The following TRHDE variants were observed in gnomAD, a reference collection of about 807,000 sequenced individuals.
The protein encoded by TRHDE is thyrotropin-releasing hormone-degrading ectoenzyme.
Under a neutral mutation model 125.7 loss-of-function variants are expected in TRHDE, and 72 were observed. That is an observed-to-expected ratio of 0.57 (90% CI 0.47 to 0.70). The LOEUF is 0.70. TRHDE is among the 30% of genes least tolerant of loss of function. The pLI is 0.00. For synonymous variants in TRHDE, 509 were observed against 509.1 expected, an observed-to-expected ratio of 1.00 and a Z score of 0.00; for missense variants, 1,110 against 1,327.1, an observed-to-expected ratio of 0.84 and a Z score of 2.54.
At chr12:72,365,684 A>G (rs1184253590) in intron 2 of TRHDE, among the ~76,000 whole-genome samples, 1 of 152,156 alleles carries the variant, frequency 6.6e-6, no homozygotes, top group East Asian at 1.9e-4. Flanking sequence ...CTGTGCTCCC[A>G]CAGGAAGTTG....
chr12:72,519,448 C>T (rs1218495364), intron 6 of TRHDE, among the ~76,000 whole-genome samples: 3 of 152,296 alleles, frequency 2.0e-5, no homozygotes, highest in Non-Finnish European at 4.4e-5. Context: ...GCTCCTGAGG[C>T]TTCTGCATTC....
At chr12:72,167,945 C>G (rs1171786247) in intron 2 of TRHDE, among the ~76,000 whole-genome samples, 2 of 152,086 alleles carry the variant, frequency 1.3e-5, no homozygotes, top group African/African-American at 4.8e-5. Flanking sequence ...TATCAACTGG[C>G]TTTCTTAGGA....
chr12:72,242,707 G>A (rs1025736351), intron 2 of TRHDE, among the ~76,000 whole-genome samples: 1 of 152,088 alleles, frequency 6.6e-6, no homozygotes, highest in African/African-American at 2.4e-5. Flanking sequence ...ACTCACTGCT[G>A]GTCAGAGGTG....
intron 10 of TRHDE, among the ~76,000 whole-genome samples, chr12:72,569,875 C>T (rs574506339): frequency 6.6e-6 from 1 of 152,084 alleles, no homozygotes; most frequent in African/African-American, 2.4e-5. Context: ...TATTGTGATT[C>T]TGAATTCACA....
chr12:72,459,185 C>G (rs533003915), intron 3 of TRHDE, among the ~76,000 whole-genome samples: 1 of 152,284 alleles, frequency 6.6e-6, no homozygotes, highest in South Asian at 2.1e-4. Context: ...GACACTGACT[C>G]TCCTCCCATC....
At chr12:72,252,806 T>C (rs1206498377) in intron 2 of TRHDE, among the ~76,000 whole-genome samples, 1 of 152,142 alleles carries the variant, frequency 6.6e-6, no homozygotes, top group Non-Finnish European at 1.5e-5. Context: ...CACTGATTTC[T>C]TTCATCAGCA....
intron 2 of TRHDE, among the ~76,000 whole-genome samples, chr12:72,188,496 A>G (rs1172463255): frequency 6.6e-6 from 1 of 152,194 alleles, no homozygotes; most frequent in East Asian, 1.9e-4. Context: ...TAGAGTTGGG[A>G]TAGTAACAGT....
At chr12:72,557,553 A>C (rs748983901) in intron 7 of TRHDE, among the ~76,000 whole-genome samples, 3 of 152,196 alleles carry the variant, frequency 2.0e-5, no homozygotes, top group African/African-American at 4.8e-5. Context: ...CTAGCATGCT[A>C]AAAGACTCAT....
chr12:72,321,117 A>G (rs17111044), intron 2 of TRHDE, among the ~76,000 whole-genome samples: 97,986 of 151,974 alleles, frequency 0.64, 32,014 homozygotes, highest in South Asian at 0.7. Context: ...GATTCTCAGC[A>G]ATTTTATGTC....
chr12:72,105,515 G>C (rs2139291805), intron 1 of TRHDE: 1 of 152,292 alleles, frequency 6.6e-6, no homozygotes, highest in Non-Finnish European at 1.5e-5. Flanking sequence ...TTTTCAGCCA[G>C]AGAATAATAT....
At chr12:72,573,385 G>A (rs1006349103) in intron 10 of TRHDE, among the ~76,000 whole-genome samples, 7 of 151,822 alleles carry the variant, frequency 4.6e-5, no homozygotes, top group Admixed American at 1.3e-4. Flanking sequence ...TCATAGTTCT[G>A]GAGACTGGAT....
chr12:72,258,176 TAAAGG>T (rs1878861864), intron 2 of TRHDE: 1 of 151,658 alleles, frequency 6.6e-6, no homozygotes, highest in African/African-American at 2.4e-5. Flanking sequence ...CTTCCAAAAA[TAAAGG>T]AGAGTAGGAA....
intron 15 of TRHDE, among the ~76,000 whole-genome samples, chr12:72,628,065 T>G (rs1045849912): frequency 2.0e-5 from 3 of 151,944 alleles, no homozygotes; most frequent in African/African-American, 4.8e-5. Context: ...AGTACTTGAT[T>G]CAGATGTAAA....
At chr12:72,438,154 C>A (rs1874830109) in intron 3 of TRHDE, among the ~76,000 whole-genome samples, 1 of 151,492 alleles carries the variant, frequency 6.6e-6, no homozygotes, top group African/African-American at 2.4e-5. Flanking sequence ...GTATATATAC[C>A]ATGTTTTCTT....
At chr12:72,502,645 G>A (rs1878204434) in intron 6 of TRHDE, among the ~76,000 whole-genome samples, 1 of 152,070 alleles carries the variant, frequency 6.6e-6, no homozygotes, top group African/African-American at 2.4e-5. Context: ...TAGCTAGAGT[G>A]TTCTATAAAT....
intron 15 of TRHDE, among the ~76,000 whole-genome samples, chr12:72,648,074 G>T (rs1039700295): frequency 2.0e-5 from 3 of 152,090 alleles, no homozygotes; most frequent in Admixed American, 2.0e-4. Context: ...ATTTATCTCT[G>T]AGATGCGAGG....
intron 2 of TRHDE, among the ~76,000 whole-genome samples, chr12:72,215,209 G>T (rs1309540039): frequency 6.6e-6 from 1 of 150,634 alleles, no homozygotes; most frequent in East Asian, 1.9e-4. Flanking sequence ...AGTGGGGGTC[G>T]CAAGGTGCTC....
intron 3 of TRHDE, among the ~76,000 whole-genome samples, chr12:72,420,777 G>T (rs771897065): frequency 6.6e-6 from 1 of 152,024 alleles, no homozygotes; most frequent in Non-Finnish European, 1.5e-5. Context: ...TCAAATGTAG[G>T]GAATATATCT....
At chr12:72,534,437 G>A (rs991920747) in intron 6 of TRHDE, among the ~76,000 whole-genome samples, 1 of 151,800 alleles carries the variant, frequency 6.6e-6, no homozygotes, top group African/African-American at 2.4e-5. Flanking sequence ...ATTATCTTGA[G>A]TATAGACCAC....
Sources: allele counts gnomAD v4.1 joint callset (sites outside exome capture counted in the v4.1 genomes callset), GRCh38; gene constraint gnomAD v4.1.1; transcripts MANE v1.5; gene names NCBI Gene and HGNC (gene_info 2026-07-23, HGNC 2026-07-21).